The following CFAP95 variants were observed in gnomAD, a reference collection of about 807,000 sequenced individuals.
CFAP95 encodes cilia and flagella associated protein 95.
the CFAP95 span, among the ~76,000 whole-genome samples, chr9:69,871,989 A>G: frequency 6.6e-6 from 1 of 152,204 alleles, no homozygotes. Context: ...AGGGCTTTAC[A>G]TGCCATATTT....
chr9:69,873,786 C>T, the CFAP95 span, among the ~76,000 whole-genome samples: 1 of 152,094 alleles, frequency 6.6e-6, no homozygotes, highest in Admixed American at 6.6e-5. Flanking sequence ...AGAAAAGAAA[C>T]AGTTGATCTT....
the CFAP95 span, among the ~76,000 whole-genome samples, chr9:69,858,679 T>C: frequency 2.6e-5 from 4 of 152,148 alleles, no homozygotes; most frequent in Admixed American, 2.6e-4. Context: ...TTGGTGAAAA[T>C]GTGACCAGAG....
At chr9:69,880,524 T>C in the CFAP95 span, among the ~76,000 whole-genome samples, 4 of 152,232 alleles carry the variant, frequency 2.6e-5, no homozygotes, top group African/African-American at 4.8e-5. Flanking sequence ...TGGTTCATTG[T>C]CTATAAGTAC....
At chr9:69,905,215 C>T in the CFAP95 span, among the ~76,000 whole-genome samples, 2 of 152,188 alleles carry the variant, frequency 1.3e-5, no homozygotes. Context: ...TTTTGGTGTT[C>T]TTTCATTGTT....
chr9:69,862,074 C>T, the CFAP95 span, among the ~76,000 whole-genome samples: 5 of 152,210 alleles, frequency 3.3e-5, no homozygotes, highest in African/African-American at 1.2e-4. Flanking sequence ...AAGACTATCA[C>T]AATTCTGTCC....
chr9:69,869,746 A>AG, the CFAP95 span, among the ~76,000 whole-genome samples: 1 of 151,558 alleles, frequency 6.6e-6, no homozygotes, highest in Admixed American at 6.6e-5. Context: ...AAATAATAAA[A>AG]AAAAACCCCA....
At chr9:69,895,377 G>A in the CFAP95 span, among the ~76,000 whole-genome samples, 1 of 146,962 alleles carries the variant, frequency 6.8e-6, no homozygotes, top group African/African-American at 2.5e-5. Flanking sequence ...CTCTGTGTGT[G>A]TGTGTGTGTG....
At chr9:69,855,373 A>G in the CFAP95 span, among the ~76,000 whole-genome samples, 2 of 152,378 alleles carry the variant, frequency 1.3e-5, no homozygotes, top group East Asian at 3.9e-4. Context: ...AAGGCTGAGA[A>G]GCAATCTAAG....
At chr9:69,857,970 A>C in the CFAP95 span, 1 of 1,613,890 alleles carries the variant, frequency 6.2e-7, no homozygotes, top group Admixed American at 1.7e-5. Flanking sequence ...ACCGGATTGG[A>C]GCAAAATGTT....
chr9:69,840,403 C>A, the CFAP95 span, among the ~76,000 whole-genome samples: 37 of 152,042 alleles, frequency 2.4e-4, no homozygotes, highest in Admixed American at 2.4e-3. Flanking sequence ...CCAGCTAAAG[C>A]CTGTTGTAGA....
chr9:69,876,417 C>T, the CFAP95 span, among the ~76,000 whole-genome samples: 403 of 151,992 alleles, frequency 2.7e-3, 1 homozygote, highest in Non-Finnish European at 4.3e-3. Context: ...CCTGTAGTTC[C>T]AGCTACTTGG....
chr9:69,898,161 T>C, the CFAP95 span, among the ~76,000 whole-genome samples: 1 of 152,186 alleles, frequency 6.6e-6, no homozygotes, highest in Non-Finnish European at 1.5e-5. Context: ...ATTGACATTG[T>C]TGTGTTTTGT....
At chr9:69,892,641 T>G in the CFAP95 span, among the ~76,000 whole-genome samples, 1 of 152,202 alleles carries the variant, frequency 6.6e-6, no homozygotes, top group South Asian at 2.1e-4. Flanking sequence ...CCTTTTTACC[T>G]GCCTGAACGT....
chr9:69,886,896 G>T, the CFAP95 span: 2 of 1,610,338 alleles, frequency 1.2e-6, no homozygotes, highest in Admixed American at 1.7e-5. Context: ...TCAGCCACAT[G>T]TGAGTACAAG....
the CFAP95 span, chr9:69,858,147 T>C: frequency 5.2e-6 from 3 of 578,442 alleles, no homozygotes; most frequent in East Asian, 2.9e-5. Flanking sequence ...TGCACAACAT[T>C]AATAACCGTA....
At chr9:69,844,867 A>G in the CFAP95 span, among the ~76,000 whole-genome samples, 1 of 152,224 alleles carries the variant, frequency 6.6e-6, no homozygotes, top group East Asian at 1.9e-4. Context: ...CTGGCACATA[A>G]AAGTGCCTAG....
the CFAP95 span, among the ~76,000 whole-genome samples, chr9:69,871,557 G>A: frequency 1.3e-5 from 2 of 151,112 alleles, no homozygotes; most frequent in East Asian, 1.9e-4. Flanking sequence ...GGAGAAGGGT[G>A]CAGATTTTAG....
chr9:69,885,751 A>G, the CFAP95 span, among the ~76,000 whole-genome samples: 1 of 152,256 alleles, frequency 6.6e-6, no homozygotes, highest in Non-Finnish European at 1.5e-5. Flanking sequence ...GTCACCTGGC[A>G]AAGAATGTGG....
At chr9:69,879,206 G>A in the CFAP95 span, among the ~76,000 whole-genome samples, 1 of 152,122 alleles carries the variant, frequency 6.6e-6, no homozygotes, top group African/African-American at 2.4e-5. Context: ...TTGGTGACTT[G>A]CTCTTTTAAT....
Sources: allele counts gnomAD v4.1 joint callset (sites outside exome capture counted in the v4.1 genomes callset), GRCh38; gene constraint gnomAD v4.1.1; transcripts MANE v1.5; gene names NCBI Gene and HGNC (gene_info 2026-07-23, HGNC 2026-07-21).